The following KIAA1217 variants were observed in gnomAD, a reference collection of about 807,000 sequenced individuals.
The protein encoded by KIAA1217 is sickle tail protein homolog.
A neutral mutation model predicts 163.9 loss-of-function variants in KIAA1217; 88 were observed. The ratio of observed to expected loss-of-function variants is 0.54; its 90% CI spans 0.45 to 0.64. KIAA1217 has a LOEUF of 0.64. Among genes scored for constraint, KIAA1217 ranks in the 30% least tolerant of loss-of-function variants. The probability of loss-of-function intolerance (pLI) is 0.00; values close to 1 mark genes in which losing one functional copy is unlikely to be tolerated. For missense variants in KIAA1217, 2,372 were observed against 2,475.0 expected, an observed-to-expected ratio of 0.96 and a Z score of 0.88; for synonymous variants, 903 against 923.1, an observed-to-expected ratio of 0.98 and a Z score of 0.39.
At chr10:23,998,823 G>A (rs146545157) in intron 1 of KIAA1217, among the ~76,000 whole-genome samples, 75 of 152,294 alleles carry the variant, frequency 4.9e-4, no homozygotes, top group Non-Finnish European at 8.4e-4. Context: ...AGCATGGTTC[G>A]TATTGAGCAT....
intron 16 of KIAA1217, among the ~76,000 whole-genome samples, chr10:24,534,500 T>C (rs771856825): frequency 2.0e-5 from 3 of 152,180 alleles, no homozygotes; most frequent in Admixed American, 6.5e-5. Flanking sequence ...CTCTTCTCCA[T>C]TGAAGTCTAA....
intron 1 of KIAA1217, among the ~76,000 whole-genome samples, chr10:23,968,911 C>T (rs190257179): frequency 9.9e-5 from 15 of 152,192 alleles, no homozygotes; most frequent in Non-Finnish European, 1.6e-4. Flanking sequence ...CCTATTTGAC[C>T]ATTATGAATG....
chr10:24,192,668 G>A (rs2066781321), intron 2 of KIAA1217, among the ~76,000 whole-genome samples: 1 of 152,224 alleles, frequency 6.6e-6, no homozygotes, highest in South Asian at 2.1e-4. Context: ...TCAGGGGCTT[G>A]GAGAAATGCA....
rs563873426 is a variant in KIAA1217 at position 24,131,724 on chromosome 10, G to C, written c.-170-87902G>C. Among the ~76,000 whole-genome samples the C allele has an allele frequency of 3.9e-5, 6 of 152,242 alleles. No homozygotes were observed. The South Asian group carries it at 1.2e-3, about 32-fold the overall frequency. On this transcript the variant is annotated intron_variant, in intron 2 of 18. Transcript: ENST00000376462. The stretch of plus-strand genomic sequence containing the variant: ...AAAATGAAATCATTTAATCCAAAAA[G>C]AATGATGAAATGCATTTTAGTGGGG...
intron 1 of KIAA1217, among the ~76,000 whole-genome samples, chr10:23,940,653 G>A (rs370467825): frequency 4.6e-5 from 7 of 152,066 alleles, no homozygotes; most frequent in Non-Finnish European, 7.4e-5. Context: ...AACTGCACAT[G>A]AAACTGGAAT....
rs1348612878 is a variant in KIAA1217, at chr10:24,443,377, A to G, written c.846+4898A>G. Reference sequence around the variant, plus strand: ...CAGGCACCGTGGCTGCTGAAATTATAGCCTTCATTATCTCTCTACTGAATC... The same window carrying G: ...CAGGCACCGTGGCTGCTGAAATTATGGCCTTCATTATCTCTCTACTGAATC... On this transcript the variant is annotated intron_variant, in intron 5 of 20. Coordinates refer to ENST00000376454, the MANE Select transcript of KIAA1217 (RefSeq NM_019590.5). Among the ~76,000 whole-genome samples, 11 of 152,178 alleles carry G rather than the reference A, an allele frequency of 7.2e-5. 1 individual carries two copies. Among genetic ancestry groups the G allele is most frequent in the Admixed American group, 6.5e-4 (10 of 15,276 alleles).
At chr10:24,031,200 G>T (rs2131537312) in intron 2 of KIAA1217, among the ~76,000 whole-genome samples, 1 of 152,066 alleles carries the variant, frequency 6.6e-6, no homozygotes, top group South Asian at 2.1e-4. Context: ...ACTTTCTATT[G>T]TTTCTGTTTT....
intron 1 of KIAA1217, among the ~76,000 whole-genome samples, chr10:23,803,983 T>C (rs554451760): frequency 2.0e-5 from 3 of 152,304 alleles, no homozygotes; most frequent in African/African-American, 7.2e-5. Context: ...CATAGATATA[T>C]GATATAAATA....
intron 1 of KIAA1217, among the ~76,000 whole-genome samples, chr10:23,936,596 T>C (rs1329415138): frequency 6.6e-6 from 1 of 152,028 alleles, no homozygotes; most frequent in African/African-American, 2.4e-5. Flanking sequence ...AGGCTGAGAT[T>C]AGAGTGACGC....
At chr10:23,717,495 C>A (rs1750687339) in intron 1 of KIAA1217, among the ~76,000 whole-genome samples, 1 of 152,004 alleles carries the variant, frequency 6.6e-6, no homozygotes, top group Non-Finnish European at 1.5e-5. Flanking sequence ...ATATAGGTCA[C>A]CCTAAAGTCA....
At chr10:24,504,338 GC>G (rs964783949) in intron 9 of KIAA1217, among the ~76,000 whole-genome samples, 6 of 152,134 alleles carry the variant, frequency 3.9e-5, no homozygotes, top group Non-Finnish European at 7.3e-5. Context: ...GCGCAGACTC[GC>G]AGGGAAAAAT....
At chr10:24,426,890 G>T (rs1046048881) in intron 3 of KIAA1217, among the ~76,000 whole-genome samples, 1 of 152,128 alleles carries the variant, frequency 6.6e-6, no homozygotes, top group Admixed American at 6.5e-5. Context: ...AGGAAGAGGA[G>T]TTGAGGTCAC....
chr10:23,791,221 T>C (rs1470814889), intron 1 of KIAA1217, among the ~76,000 whole-genome samples: 1 of 152,226 alleles, frequency 6.6e-6, no homozygotes. Context: ...AATCTTTGAA[T>C]TCTGTTTTAA....
intron 5 of KIAA1217, among the ~76,000 whole-genome samples, chr10:24,461,548 G>T (rs1469660445): frequency 6.6e-6 from 1 of 151,930 alleles, no homozygotes; most frequent in Non-Finnish European, 1.5e-5. Flanking sequence ...TAGAGATGGG[G>T]TTTCACCATG....
At chr10:24,262,224 A>G (rs1333909233) in intron 2 of KIAA1217, among the ~76,000 whole-genome samples, 1 of 152,206 alleles carries the variant, frequency 6.6e-6, no homozygotes, top group African/African-American at 2.4e-5. Context: ...TCAAGGTGAA[A>G]TAGTGGCTGA....
chr10:23,842,417 A>G (rs1024259693), intron 1 of KIAA1217, among the ~76,000 whole-genome samples: 2 of 152,154 alleles, frequency 1.3e-5, no homozygotes, highest in African/African-American at 2.4e-5. Context: ...AGTCGGAAAA[A>G]AAGGCAGTCT....
At chr10:24,080,397 G>A (rs1427352018) in intron 2 of KIAA1217, among the ~76,000 whole-genome samples, 1 of 152,196 alleles carries the variant, frequency 6.6e-6, no homozygotes, top group Non-Finnish European at 1.5e-5. Context: ...GGCGTGACTA[G>A]TATTGTTCAA....
chr10:23,765,491 C>T (rs1834468405), intron 1 of KIAA1217, among the ~76,000 whole-genome samples: 1 of 152,036 alleles, frequency 6.6e-6, no homozygotes, highest in Non-Finnish European at 1.5e-5. Flanking sequence ...TCTTCTTTAT[C>T]ACCCCTTTGC....
At chr10:24,192,019 C>T (rs1164459888) in intron 2 of KIAA1217, among the ~76,000 whole-genome samples, 2 of 152,230 alleles carry the variant, frequency 1.3e-5, no homozygotes, top group African/African-American at 4.8e-5. Context: ...GTTGGGATTA[C>T]AGGCGTGAGC....
Sources: gnomAD v4.1 joint callset for allele counts (sites outside exome capture counted in the v4.1 genomes callset) on GRCh38, gnomAD v4.1.1 for gene constraint, MANE v1.5 for transcripts, NCBI Gene and HGNC (gene_info 2026-07-23, HGNC 2026-07-21) for gene names.